The following ATP13A3 variants were observed in gnomAD, a reference collection of about 807,000 sequenced individuals.
The protein encoded by ATP13A3 is polyamine-transporting ATPase 13A3.
ATP13A3 carries 59 observed loss-of-function variants against 158.1 expected under a neutral mutation model. The observed-to-expected ratio is 0.37, with a 90% CI of 0.30 to 0.46. The LOEUF (loss-of-function observed/expected upper bound fraction) is 0.46, where lower values mean the gene tolerates loss of function less well. ATP13A3 is among the 20% of genes least tolerant of loss of function. ATP13A3 has a pLI of 1.00. For synonymous variants in ATP13A3, 491 were observed against 504.3 expected (o/e 0.97, Z 0.35); for missense variants, 1,166 against 1,525.2 (o/e 0.76, Z 3.92).
At chr3:194,475,807 T>C (rs1344177022) in intron 2 of ATP13A3, among the ~76,000 whole-genome samples, 1 of 152,170 alleles carries the variant, frequency 6.6e-6, no homozygotes, top group Non-Finnish European at 1.5e-5. Context: ...TATGGGAATA[T>C]TTAGTTTACA....
intron 6 of ATP13A3, 21 bp from the exon 7 acceptor site, chr3:194,457,195 T>C (rs1553804694): frequency 6.3e-7 from 1 of 1,581,494 alleles, no homozygotes; most frequent in East Asian, 2.3e-5. Flanking sequence ...CCAAAGTTTT[T>C]ACTTTAAACA....
At chr3:194,413,889 T>C in intron 31 of ATP13A3, 50 bp from the exon 32 acceptor site, 1 of 1,437,632 alleles carries the variant, frequency 7.0e-7, no homozygotes, top group Non-Finnish European at 9.8e-7. Flanking sequence ...GTAGTCAATA[T>C]TATAGCACTG....
intron 16 of ATP13A3, 80 bp from the exon 17 acceptor site, chr3:194,439,052 T>C (rs1717864244): frequency 1.1e-6 from 1 of 886,594 alleles, no homozygotes; most frequent in Non-Finnish European, 1.7e-6. Flanking sequence ...CATGGTTCCA[T>C]TTTTAAATAG....
At chr3:194,487,524 C>T (rs528689074), upstream of ATP13A3, 1 of 152,276 alleles carries the variant, frequency 6.6e-6, no homozygotes, top group East Asian at 1.9e-4. Context: ...GACTCTGCGC[C>T]CCGGCCGCAG....
chr3:194,427,039 T>C (rs889033550), intron 29 of ATP13A3, 36 bp downstream of exon 29: 2 of 1,575,444 alleles, frequency 1.3e-6, no homozygotes, highest in Middle Eastern at 1.7e-4. Context: ...GTTGCACATA[T>C]TTTATATAGA....
rs1235836176 is a variant in ATP13A3 at position 194,444,579 on chromosome 3, C to A, written c.1559+146G>T. 1.6e-5 allele frequency: 9 copies of A among 576,694 alleles called. No homozygotes were observed. In the East Asian group the frequency reaches 1.7e-4, roughly 11 times the overall value. 35.7% of individuals were successfully genotyped at this position (576,694 alleles called of 1,614,324 possible). On this transcript the variant is annotated intron_variant, in intron 15 of 33. Coordinates refer to ENST00000645319, the MANE Select transcript of ATP13A3 (RefSeq NM_001367549.1). ...TAATATTTTAATATTCTAAAGGAAG[C>A]GATCTGAAGCAAATATGGCAACATG...
chr3:194,414,808 T>C (rs1715700949), intron 31 of ATP13A3, among the ~76,000 whole-genome samples: 1 of 152,154 alleles, frequency 6.6e-6, no homozygotes, highest in Non-Finnish European at 1.5e-5. Flanking sequence ...ATGATGAGCT[T>C]AGTTCTTAAA....
At chr3:194,439,115 T>C in intron 16 of ATP13A3, 143 bp from the exon 17 acceptor site, 1 of 542,312 alleles carries the variant, frequency 1.8e-6, no homozygotes. Context: ...AAGGAACAAA[T>C]GAGCACTACT....
At chr3:194,410,938 GT>G (rs746921640) in intron 33 of ATP13A3, among the ~76,000 whole-genome samples, 1,173 of 57,658 alleles carry the variant, frequency 0.02, 12 homozygotes, top group South Asian at 0.086. Context: ...GGGTGTTGGG[GT>G]GTGTGTGTGT....
chr3:194,429,715 C>T lies in ATP13A3; in HGVS notation c.2837G>A (p.Ser946Asn). 6.2e-7 allele frequency: 1 copy of T among 1,613,840 alleles called. No homozygotes were observed. Among genetic ancestry groups the T allele is most frequent in the South Asian group, 1.1e-5 (1 of 91,072 alleles). Residue 946 changes from serine (S) to asparagine (N), a missense_variant, in exon 27 of 34, where the codon AGC becomes AAC. By Grantham distance (46) the Ser-to-Asn change is conservative (BLOSUM62 1). Around this residue, in one of 3 missense-constraint regions of ATP13A3, gnomAD observed 997 missense variants for 1,341.2 expected, o/e 0.74. Coordinates refer to ENST00000645319, the MANE Select transcript of ATP13A3 (RefSeq NM_001367549.1). ...AGTAACACTGAAGTACTGGATAATGCTGTACAATGCCATGAATTTAAACAC... is the reference window on the plus strand; with the variant it reads ...AGTAACACTGAAGTACTGGATAATGTTGTACAATGCCATGAATTTAAACAC... ...FCVFKFMALY[S>N]IIQYFSVTLL...
chr3:194,430,367 C>T, intron 24 of ATP13A3, 52 bp from the exon 25 acceptor site: 1 of 1,555,534 alleles, frequency 6.4e-7, no homozygotes, highest in Non-Finnish European at 8.8e-7. Context: ...AACTACAAAA[C>T]ATTTAACTTA....
chr3:194,479,358 C>T (rs963326204), intron 2 of ATP13A3, among the ~76,000 whole-genome samples: 4 of 152,020 alleles, frequency 2.6e-5, no homozygotes, highest in Admixed American at 2.6e-4. Context: ...GCCTATTGTA[C>T]TTTACATTTT....
chr3:194,466,405 C>T (rs1174355169), intron 2 of ATP13A3, among the ~76,000 whole-genome samples: 1 of 152,136 alleles, frequency 6.6e-6, no homozygotes, highest in African/African-American at 2.4e-5. Context: ...CAGTAATAAG[C>T]AGATATACCA....
intron 2 of ATP13A3, among the ~76,000 whole-genome samples, chr3:194,465,941 C>CA (rs1344637403): frequency 2.0e-5 from 3 of 151,618 alleles, no homozygotes; most frequent in African/African-American, 7.3e-5. Context: ...AAGATCACGC[C>CA]ACTGCACTCC....
At chr3:194,410,308 A>AC (rs934482370) in intron 33 of ATP13A3, among the ~76,000 whole-genome samples, 21 of 140,040 alleles carry the variant, frequency 1.5e-4, no homozygotes, top group Admixed American at 6.4e-4. Flanking sequence ...AAAAAAAAAA[A>AC]AAAAAAAAAA....
intron 14 of ATP13A3, among the ~76,000 whole-genome samples, chr3:194,446,704 AT>A (rs1356941461): frequency 6.6e-6 from 1 of 152,164 alleles, no homozygotes; most frequent in Admixed American, 6.5e-5. Context: ...AACTGGTTTC[AT>A]TTCATTTAAA....
At chr3:194,481,905 A>G (rs1363949488) in intron 2 of ATP13A3, among the ~76,000 whole-genome samples, 1 of 152,370 alleles carries the variant, frequency 6.6e-6, no homozygotes, top group South Asian at 2.1e-4. Context: ...TCTGATTAAC[A>G]GATTAATTTT....
chr3:194,479,082 G>T (rs1003777341), intron 2 of ATP13A3, among the ~76,000 whole-genome samples: 3 of 152,134 alleles, frequency 2.0e-5, no homozygotes, highest in Non-Finnish European at 2.9e-5. Flanking sequence ...CCGCACCAGA[G>T]ATTAGAAAGG....
Position 194,441,403 on chromosome 3 carries a change from C to A in ATP13A3, c.1618G>T (p.Ala540Ser). 6.2e-7 allele frequency: 1 copy of A among 1,613,548 alleles called. No individual in the cohort carries two copies. ...NEMLVKSQFV[A>S]CMATCHSLTK... ...AGTGAATGACAAGTAGCCATACAAG[C>A]AACAAACTGGGATTTTACCAACATC... The change falls in exon 16 of 34, where the codon GCT becomes TCT. Residue 540 changes from alanine to serine, a missense_variant. Transcript: ENST00000645319.
Sources: allele counts gnomAD v4.1 joint callset (sites outside exome capture counted in the v4.1 genomes callset), GRCh38; gene constraint gnomAD v4.1.1; regional missense constraint gnomAD v4.1.1; transcripts MANE v1.5; gene names NCBI Gene and HGNC (gene_info 2026-07-23, HGNC 2026-07-21).